Variants in RORA observed in about 807,000 individuals in gnomAD.
The protein encoded by RORA is RAR related orphan receptor A.
RORA carries 7 observed loss-of-function variants against 69.5 expected under a neutral mutation model. The observed-to-expected ratio is 0.10, with a 90% CI of 0.06 to 0.19. The LOEUF is 0.19. Among genes scored for constraint, RORA ranks in the 10% least tolerant of loss-of-function variants. The probability of loss-of-function intolerance (pLI) is 1.00; values close to 1 mark genes in which losing one functional copy is unlikely to be tolerated. For synonymous variants in RORA, 261 were observed against 240.8 expected (o/e 1.08, Z -0.78); for missense variants, 457 against 663.0 (o/e 0.69, Z 3.41).
chr15:61,218,192 T>C (rs1462555403), intron 1 of RORA, among the ~76,000 whole-genome samples: 7 of 152,032 alleles, frequency 4.6e-5, no homozygotes, highest in Non-Finnish European at 1.0e-4. Flanking sequence ...TGTGTGTGTG[T>C]GTGTGTGTGT....
In RORA at chr15:60,808,744, C is replaced by T. The variant is rs989874685; in HGVS notation, c.167-130058G>A. Among the ~76,000 whole-genome samples, 3 of 149,684 alleles carry T rather than the reference C, an allele frequency of 2.0e-5. No homozygotes were observed. In the South Asian group the frequency reaches 6.3e-4, roughly 31 times the overall value. On this transcript the variant is annotated intron_variant, in intron 1 of 10. Transcript: ENST00000335670. Reference sequence around the variant, plus strand: ...ACATAATTTATATATATGTTTATAACATACATTATAAACATATATACAAAT... The same window carrying T: ...ACATAATTTATATATATGTTTATAATATACATTATAAACATATATACAAAT...
intron 1 of RORA, among the ~76,000 whole-genome samples, chr15:60,885,974 T>C (rs552607757): frequency 1.2e-4 from 18 of 152,352 alleles, no homozygotes; most frequent in Admixed American, 8.5e-4. Context: ...GCAGCTTCTC[T>C]GCTGCCTCAT....
At chr15:61,135,284 T>C (rs2079226662) in intron 1 of RORA, among the ~76,000 whole-genome samples, 1 of 151,900 alleles carries the variant, frequency 6.6e-6, no homozygotes, top group Admixed American at 6.6e-5. Context: ...TGAGCCATGA[T>C]TATGCCACCA....
intron 2 of RORA, among the ~76,000 whole-genome samples, chr15:60,544,208 C>G (rs1398727254): frequency 1.3e-5 from 2 of 152,196 alleles, no homozygotes; most frequent in East Asian, 3.9e-4. Context: ...CAGAGCCAGT[C>G]CTGCTGTATT....
intron 1 of RORA, among the ~76,000 whole-genome samples, chr15:61,096,429 C>T (rs937115141): frequency 6.6e-6 from 1 of 152,178 alleles, no homozygotes; most frequent in African/African-American, 2.4e-5. Flanking sequence ...ATCTCACTTA[C>T]AGACATAGTA....
At chr15:60,864,299 T>C (rs2073462704) in intron 1 of RORA, among the ~76,000 whole-genome samples, 1 of 152,248 alleles carries the variant, frequency 6.6e-6, no homozygotes, top group African/African-American at 2.4e-5. Context: ...TGATATGTTA[T>C]TGAGTGCTTG....
At chr15:60,576,151 G>A (rs1415574344) in intron 2 of RORA, among the ~76,000 whole-genome samples, 1 of 152,190 alleles carries the variant, frequency 6.6e-6, no homozygotes, top group Non-Finnish European at 1.5e-5. Flanking sequence ...TTTCTCATGG[G>A]CAGCGTGGCT....
At chr15:60,621,854 C>T (rs1483656719) in intron 2 of RORA, among the ~76,000 whole-genome samples, 1 of 152,006 alleles carries the variant, frequency 6.6e-6, no homozygotes, top group East Asian at 1.9e-4. Context: ...TCGAGACCAG[C>T]CTGGCCAATA....
intron 1 of RORA, among the ~76,000 whole-genome samples, chr15:61,186,364 G>A (rs1220579990): frequency 3.3e-5 from 5 of 151,914 alleles, no homozygotes; most frequent in African/African-American, 1.2e-4. Flanking sequence ...GCCCTGGCCA[G>A]GCACGGTGGC....
At chr15:60,506,656 C>G (rs190149296) in intron 5 of RORA, among the ~76,000 whole-genome samples, 104 of 152,080 alleles carry the variant, frequency 6.8e-4, no homozygotes, top group African/African-American at 2.3e-3. Context: ...AGTTCAAGAC[C>G]AGCCTGGCCA....
rs532034262 is a variant in RORA, at chr15:61,048,809, G to C, written c.166+180244C>G. Among the ~76,000 whole-genome samples, 3 of 152,212 alleles carry C rather than the reference G, an allele frequency of 2.0e-5. No individual in the cohort carries two copies. In the South Asian group the frequency reaches 6.2e-4, roughly 32 times the overall value. ...GCTGCTTCTTTACGGCTCTTCAAGT[G>C]CCGGCCATTTCCTGGAGTTTCATGG... On this transcript the variant is annotated intron_variant, in intron 1 of 10. Coordinates refer to ENST00000335670, the MANE Select transcript of RORA (RefSeq NM_134261.3).
rs57155855 is a variant in RORA at position 61,171,084 on chromosome 15, C to T, written c.166+57969G>A. On this transcript the variant is annotated intron_variant, in intron 1 of 10. Coordinates refer to ENST00000335670, the MANE Select transcript of RORA (RefSeq NM_134261.3). ...AATTTGCTATTGTCTGATTTAAGCCCGCCCTCTTTCCAGGCTCCAGGACTT... is the reference window on the plus strand; with the variant it reads ...AATTTGCTATTGTCTGATTTAAGCCTGCCCTCTTTCCAGGCTCCAGGACTT... 5.3e-3 allele frequency among the ~76,000 whole-genome samples: 805 copies of T among 152,270 alleles called. 4 individuals carry two copies. Among genetic ancestry groups the T allele is most frequent in the African/African-American group, 0.019 (780 of 41,544 alleles).
intron 1 of RORA, among the ~76,000 whole-genome samples, chr15:60,961,435 T>TA (rs372060014): frequency 7.9e-5 from 12 of 151,886 alleles, no homozygotes; most frequent in African/African-American, 2.4e-4. Flanking sequence ...TTCACAAAGA[T>TA]AAAAAAAGGT....
chr15:60,743,669 C>T (rs1371928648), intron 1 of RORA, among the ~76,000 whole-genome samples: 1 of 152,188 alleles, frequency 6.6e-6, no homozygotes, highest in Non-Finnish European at 1.5e-5. Context: ...GTGGATCTGC[C>T]AATCTCTCTG....
intron 2 of RORA, among the ~76,000 whole-genome samples, chr15:60,599,746 C>T (rs1179691928): frequency 6.6e-6 from 1 of 152,128 alleles, no homozygotes; most frequent in African/African-American, 2.4e-5. Context: ...GCTCTGCAAA[C>T]TATACACTTT....
chr15:61,084,290 T>C (rs1164383276), intron 1 of RORA, among the ~76,000 whole-genome samples: 2 of 152,236 alleles, frequency 1.3e-5, no homozygotes. Context: ...GAAGTCCATC[T>C]GCCTGGACAT....
At position 60,540,567 on chromosome 15, in the gene RORA, C is replaced by CA. The variant is rs1567071311; in HGVS notation, c.197-8717_197-8716insT. Among the ~76,000 whole-genome samples, 2 of 48,098 alleles carry CA rather than the reference C, an allele frequency of 4.2e-5. 1 individual carries two copies. The highest frequency in any genetic ancestry group is 0.021 in the East Asian group (2 of 94). The allele number at this position is 48,098 out of a possible 152,430, so 31.6% of individuals were successfully genotyped here. ...TTCCACCTGCACAATTTCCATGACCCCCCCCCCCCAAAACTGTGCGGTCAC... is the reference window on the plus strand; with the variant it reads ...TTCCACCTGCACAATTTCCATGACCCACCCCCCCCCAAAACTGTGCGGTCAC... On this transcript the variant is annotated intron_variant, in intron 2 of 10. Transcript: ENST00000335670.
intron 1 of RORA, among the ~76,000 whole-genome samples, chr15:60,749,865 T>C (rs987625591): frequency 1.3e-5 from 2 of 152,106 alleles, no homozygotes; most frequent in African/African-American, 4.8e-5. Context: ...CCGTCTCTAC[T>C]ACAAATTACA....
At chr15:61,196,348 T>C (rs2079845363) in intron 1 of RORA, among the ~76,000 whole-genome samples, 1 of 152,212 alleles carries the variant, frequency 6.6e-6, no homozygotes, top group African/African-American at 2.4e-5. Context: ...ACTTAGCAGC[T>C]CAGCAGTTTA....
Sources: gnomAD v4.1 joint callset for allele counts (sites outside exome capture counted in the v4.1 genomes callset) on GRCh38, gnomAD v4.1.1 for gene constraint, MANE v1.5 for transcripts, NCBI Gene and HGNC (gene_info 2026-07-23, HGNC 2026-07-21) for gene names.